Variants in TAF4 observed in about 807,000 individuals in gnomAD.
The protein encoded by TAF4 is transcription initiation factor TFIID subunit 4.
TAF4 carries 9 observed loss-of-function variants against 90.3 expected under a neutral mutation model. The ratio of observed to expected loss-of-function variants is 0.10; its 90% CI spans 0.06 to 0.17. The LOEUF (loss-of-function observed/expected upper bound fraction) is 0.17. Ranked by LOEUF, TAF4 falls within the 10% of genes least tolerant of loss-of-function variation. The pLI, the probability that TAF4 is intolerant of heterozygous loss-of-function variation, is 1.00. For missense variants in TAF4, 1,351 were observed against 1,370.7 expected (o/e 0.99, Z 0.23); for synonymous variants, 818 against 638.9 (o/e 1.28, Z -4.23).
At chr20:62,039,935 A>G (rs1480605193) in intron 1 of TAF4, among the ~76,000 whole-genome samples, 1 of 152,246 alleles carries the variant, frequency 6.6e-6, no homozygotes, top group Non-Finnish European at 1.5e-5. Context: ...TGCAAATCAA[A>G]GCCACAACAT....
chr20:61,988,858 C>T (rs933642284), intron 14 of TAF4, among the ~76,000 whole-genome samples: 4 of 152,272 alleles, frequency 2.6e-5, no homozygotes, highest in East Asian at 1.9e-4. Flanking sequence ...TGAGTGAGGA[C>T]GCACGAGCTC....
At chr20:62,011,603 C>T (rs2055778064) in intron 3 of TAF4, among the ~76,000 whole-genome samples, 1 of 152,212 alleles carries the variant, frequency 6.6e-6, no homozygotes, top group African/African-American at 2.4e-5. Context: ...CACCCACTTT[C>T]ACCCACTGCA....
chr20:62,063,865 G>A (rs1256818728), intron 1 of TAF4, among the ~76,000 whole-genome samples: 1 of 152,264 alleles, frequency 6.6e-6, no homozygotes, highest in African/African-American at 2.4e-5. Flanking sequence ...CAGCAGAGGA[G>A]CCCAAGCCTT....
At chr20:62,054,404 C>T (rs911827982) in intron 1 of TAF4, among the ~76,000 whole-genome samples, 1 of 152,154 alleles carries the variant, frequency 6.6e-6, no homozygotes, top group Non-Finnish European at 1.5e-5. Context: ...GGCAGGAAGG[C>T]GAGGACTGCA....
At chr20:61,987,564 G>A (rs970971944) in intron 14 of TAF4, among the ~76,000 whole-genome samples, 2 of 152,246 alleles carry the variant, frequency 1.3e-5, no homozygotes, top group African/African-American at 2.4e-5. Context: ...CCCAGAACAC[G>A]GACAGCACCG....
chr20:62,019,358 G>T (rs1446707931), intron 1 of TAF4, among the ~76,000 whole-genome samples: 1 of 152,210 alleles, frequency 6.6e-6, no homozygotes, highest in Non-Finnish European at 1.5e-5. Flanking sequence ...ACTTCCCATG[G>T]CAGTAAACAT....
chr20:62,007,672 T>C (rs1194266897), intron 5 of TAF4, 36 bp from the exon 6 acceptor site: 3 of 1,564,088 alleles, frequency 1.9e-6, no homozygotes, highest in Admixed American at 3.5e-5. Flanking sequence ...TTCTGGTGAA[T>C]GAGATTCCAC....
chr20:62,064,229 G>A (rs1357541802), intron 1 of TAF4: 3 of 443,970 alleles, frequency 6.8e-6, no homozygotes, highest in African/African-American at 4.1e-5. Flanking sequence ...CGGACGTCAG[G>A]GACAGCGACA....
intron 14 of TAF4, among the ~76,000 whole-genome samples, chr20:61,984,832 T>G: frequency 7.1e-6 from 1 of 141,666 alleles, no homozygotes; most frequent in Non-Finnish European, 1.5e-5. Context: ...GCATGGTGAG[T>G]AGAAACGGGA....
At chr20:62,045,488 G>A (rs28382020) in intron 1 of TAF4, among the ~76,000 whole-genome samples, 6 of 152,374 alleles carry the variant, frequency 3.9e-5, no homozygotes, top group Admixed American at 1.3e-4. Context: ...ATGAACCAGC[G>A]ATGCTGCCTG....
Position 62,064,980 on chromosome 20 carries a change from G to A in TAF4, c.831C>T (p.Pro277=), listed in dbSNP as rs2056116884. 3 of 308,042 alleles carry A rather than the reference G, an allele frequency of 9.7e-6. No individual in the cohort carries two copies. Among genetic ancestry groups the A allele is most frequent in the South Asian group, 1.3e-4 (1 of 7,716 alleles). 19.1% of individuals were successfully genotyped at this position (308,042 alleles called of 1,614,324 possible). A position where few individuals can be genotyped will look rare whatever the true frequency, so the allele number is the denominator to read the frequency against. The change falls in exon 1 of 15, where the codon CCC becomes CCT. Residue 277 remains proline, a synonymous_variant. Coordinates refer to ENST00000252996, the MANE Select transcript of TAF4 (RefSeq NM_003185.4). ...GGCCGGGCGGCCGGGCCAGAGTGGC[G>A]GGCGCGGGGGGTGGCGGGGGCGGGG... The part of the protein sequence containing the change: ...AAAPPPPPPA[P]ATLARPPGHP...
chr20:62,033,967 G>A (rs1014439463), intron 1 of TAF4, among the ~76,000 whole-genome samples: 7 of 151,604 alleles, frequency 4.6e-5, no homozygotes, highest in African/African-American at 9.7e-5. Context: ...GCGTGAACCC[G>A]TGAGGCAGAG....
intron 14 of TAF4, among the ~76,000 whole-genome samples, chr20:61,978,595 C>T (rs1321786507): frequency 6.6e-6 from 1 of 150,562 alleles, no homozygotes; most frequent in African/African-American, 2.4e-5. Context: ...GCGAGACCAA[C>T]CAAAGGAGGG....
In TAF4 at chr20:62,064,710, G is replaced by C. The variant is rs2056112803; in HGVS notation, c.1101C>G (p.Ala367=). 2.2e-5 allele frequency: 27 copies of C among 1,236,540 alleles called. No homozygotes were observed. The highest frequency in any genetic ancestry group is 3.0e-5 in the South Asian group (1 of 33,316). 76.6% of individuals were successfully genotyped at this position (1,236,540 alleles called of 1,614,324 possible). A position where few individuals can be genotyped will look rare whatever the true frequency, so the allele number is the denominator to read the frequency against. ...CGATGACCATGCTGGCCGCCGTGCT[G>C]GCCGGGCCGCTGGCCGCCAGGGTCT... is the stretch of plus-strand genomic sequence containing the variant. ...AAQTLAASGP[A]STAASMVIGP... Residue 367 remains alanine, a synonymous_variant, in exon 1 of 15, where the codon GCC becomes GCG. Transcript: ENST00000252996.
In TAF4 at chr20:62,009,096, T is replaced by C. The variant is rs2123142069; in HGVS notation, c.1840A>G (p.Thr614Ala). ...TCTTTCACATTAGCTGCTGTCTCTG[T>C]AGACTGCTTGCCAGATGAAGCCAGT... ...IKLASSGKQS[T>A]ETAANVKELV... Residue 614 changes from threonine (T) to alanine (A), a missense_variant, in exon 5 of 15, where the codon ACA becomes GCA. Transcript: ENST00000252996. 1 of 1,613,886 alleles carries C rather than the reference T, an allele frequency of 6.2e-7. No homozygotes were observed. The highest frequency in any genetic ancestry group is 8.5e-7 in the Non-Finnish European group (1 of 1,179,946).
intron 1 of TAF4, among the ~76,000 whole-genome samples, chr20:62,055,703 C>A (rs1002023933): frequency 1.3e-5 from 2 of 152,204 alleles, no homozygotes; most frequent in Non-Finnish European, 2.9e-5. Context: ...TGTGGCTGAC[C>A]CCTTTCTCAT....
At position 62,052,143 on chromosome 20, in the gene TAF4, G is replaced by C. The variant is rs529096914; in HGVS notation, c.1360+12308C>G. ...GTGCCCAGGCCAACCAGCTCCAAGT[G>C]GGGTGCAGTAGCGGGGTGCAGGCTA... On this transcript the variant is annotated intron_variant, in intron 1 of 14. Coordinates refer to ENST00000252996, the MANE Select transcript of TAF4 (RefSeq NM_003185.4). 3.3e-5 allele frequency among the ~76,000 whole-genome samples: 5 copies of C among 152,186 alleles called. No individual in the cohort carries two copies. In the South Asian group the frequency reaches 1.0e-3, roughly 32 times the overall value.
At chr20:61,987,807 T>C (rs1210352609) in intron 14 of TAF4, among the ~76,000 whole-genome samples, 1 of 152,212 alleles carries the variant, frequency 6.6e-6, no homozygotes, top group South Asian at 2.1e-4. Flanking sequence ...TTGCCAAAAC[T>C]TGCAAGCAGC....
chr20:62,015,680 C>T (rs2055808369), intron 1 of TAF4, among the ~76,000 whole-genome samples: 3 of 152,174 alleles, frequency 2.0e-5, no homozygotes, highest in Admixed American at 6.5e-5. Context: ...CTCCTTCCTC[C>T]CCTTTATGGA....
Sources: gnomAD v4.1 joint callset for allele counts (sites outside exome capture counted in the v4.1 genomes callset) on GRCh38, gnomAD v4.1.1 for gene constraint, MANE v1.5 for transcripts, NCBI Gene and HGNC (gene_info 2026-07-23, HGNC 2026-07-21) for gene names.